IL34: variants seen among roughly 807,000 people sequenced by gnomAD.
IL34 encodes the protein interleukin 34.
In IL34, 17 loss-of-function variants were observed where a neutral mutation model predicts 25.3. That is an observed-to-expected ratio of 0.67 (90% CI 0.46 to 1.01). IL34 has a LOEUF of 1.01. Ranked by LOEUF, IL34 falls within the 50% of genes least tolerant of loss-of-function variation. The pLI is 0.00. For missense variants in IL34, 368 were observed against 312.9 expected (o/e 1.18, Z -1.33); for synonymous variants, 174 against 140.9 (o/e 1.23, Z -1.66).
chr16:70,626,376 A>G (rs2051393608), intron 1 of IL34, among the ~76,000 whole-genome samples: 1 of 152,008 alleles, frequency 6.6e-6, no homozygotes, highest in Non-Finnish European at 1.5e-5. Context: ...AGAAAACACG[A>G]TGTGTGTGGG....
chr16:70,619,712 G>A (rs375142958), intron 1 of IL34, among the ~76,000 whole-genome samples: 8,852 of 109,316 alleles, frequency 0.081, 266 homozygotes, highest in African/African-American at 0.17. Context: ...CGAGGCGATC[G>A]GGCAGTGTCA....
Position 70,596,693 on chromosome 16 carries a change from G to A in IL34, c.-401+16644G>A, listed in dbSNP as rs138378384. Among the ~76,000 whole-genome samples the A allele has an allele frequency of 1.4e-3, 212 of 152,318 alleles. 2 individuals carry two copies. Among genetic ancestry groups the A allele is most frequent in the African/African-American group, 4.9e-3 (202 of 41,570 alleles). On this transcript the variant is annotated intron_variant, in intron 1 of 6. Transcript: ENST00000429149. ...TGGGGGTAGAGCGACTATTGCCTGTGTGTGTCATGCTTATAGTAATGGTAG... is the reference window on the plus strand; with the variant it reads ...TGGGGGTAGAGCGACTATTGCCTGTATGTGTCATGCTTATAGTAATGGTAG...
chr16:70,633,171 C>T (rs944533250), intron 1 of IL34, among the ~76,000 whole-genome samples: 1 of 150,896 alleles, frequency 6.6e-6, no homozygotes, highest in African/African-American at 2.4e-5. Flanking sequence ...CGCCATGTTG[C>T]CCAGGCATGT....
intron 4 of IL34, among the ~76,000 whole-genome samples, chr16:70,659,383 T>C (rs1022375535): frequency 6.6e-6 from 1 of 152,220 alleles, no homozygotes; most frequent in Non-Finnish European, 1.5e-5. Flanking sequence ...TACTCATTTT[T>C]CAAGGATGGA....
At chr16:70,618,419 T>C (rs140077915) in intron 1 of IL34, among the ~76,000 whole-genome samples, 5,455 of 152,064 alleles carry the variant, frequency 0.036, 259 homozygotes, top group African/African-American at 0.1. Context: ...AGAGTGAGTA[T>C]AGCTGAAGGA....
chr16:70,587,167 A>G (rs1382233783), intron 1 of IL34, among the ~76,000 whole-genome samples: 4 of 152,082 alleles, frequency 2.6e-5, no homozygotes, highest in Non-Finnish European at 5.9e-5. Flanking sequence ...GTGGAGATCA[A>G]TGCTGGAGGC....
chr16:70,659,134 CTGT>C (rs2052311626), intron 4 of IL34, among the ~76,000 whole-genome samples: 1 of 152,170 alleles, frequency 6.6e-6, no homozygotes, highest in Non-Finnish European at 1.5e-5. Flanking sequence ...CCACATGACC[CTGT>C]TGTTGCATAT....
intron 1 of IL34, among the ~76,000 whole-genome samples, chr16:70,627,978 G>C (rs189865504): frequency 5.1e-4 from 78 of 152,270 alleles, no homozygotes; most frequent in Non-Finnish European, 1.1e-3. Flanking sequence ...CTAAGCTGTG[G>C]GATATGCACA....
rs560350594 is a variant in IL34, at chr16:70,656,750, G to A, written c.240+71G>A. ...TCCGGTGGGCCCCAGCCTCAGAGGC[G>A]CGCTGGGACTGGCAGGTGGTGCTGC... On this transcript the variant is annotated intron_variant, in intron 3 of 5. Transcript: ENST00000288098. 110 of 964,210 alleles carry A rather than the reference G, an allele frequency of 1.1e-4. No individual in the cohort carries two copies. The South Asian group carries it at 1.2e-3, about 11-fold the overall frequency. 59.7% of individuals were successfully genotyped at this position (964,210 alleles called of 1,614,324 possible). A position where few individuals can be genotyped will look rare whatever the true frequency, so the allele number is the denominator to read the frequency against.
chr16:70,634,802 C>T (rs1411941982), intron 1 of IL34, among the ~76,000 whole-genome samples: 1 of 152,092 alleles, frequency 6.6e-6, no homozygotes, highest in East Asian at 1.9e-4. Context: ...GTTTATTGGC[C>T]TGTTCTTGCA....
chr16:70,594,559 G>T (rs1247908946), intron 1 of IL34, among the ~76,000 whole-genome samples: 1 of 152,156 alleles, frequency 6.6e-6, no homozygotes, highest in Non-Finnish European at 1.5e-5. Context: ...TCCAAAGATT[G>T]TATGTGTATA....
intron 1 of IL34, among the ~76,000 whole-genome samples, chr16:70,591,112 G>T (rs1353258316): frequency 6.6e-6 from 1 of 152,232 alleles, no homozygotes; most frequent in African/African-American, 2.4e-5. Flanking sequence ...TCCTTCTCCT[G>T]CCATTCAACG....
chr16:70,645,162 A>G (rs561361010), upstream of IL34, among the ~76,000 whole-genome samples: 101 of 148,752 alleles, frequency 6.8e-4, no homozygotes, highest in African/African-American at 2.4e-3. Flanking sequence ...GAGGAAGAGA[A>G]GGAGGAAGAG....
At chr16:70,632,636 G>A (rs1597760819) in intron 1 of IL34, among the ~76,000 whole-genome samples, 1 of 152,254 alleles carries the variant, frequency 6.6e-6, no homozygotes, top group South Asian at 2.1e-4. Flanking sequence ...CTCTGGGGTG[G>A]TGCTGCACAG....
intron 1 of IL34, among the ~76,000 whole-genome samples, chr16:70,630,087 C>A (rs1283154755): frequency 1.3e-5 from 2 of 152,162 alleles, no homozygotes; most frequent in South Asian, 2.1e-4. Context: ...CACCCACATA[C>A]AAGTGAAAAT....
At chr16:70,593,388 A>G (rs927470643) in intron 1 of IL34, among the ~76,000 whole-genome samples, 3 of 152,164 alleles carry the variant, frequency 2.0e-5, no homozygotes, top group Admixed American at 2.0e-4. Flanking sequence ...TTCCTATGTT[A>G]TCTTCTAGAA....
Position 70,656,948 on chromosome 16 carries a change from C to T in IL34, c.241-12C>T. 1 of 1,599,346 alleles carries T rather than the reference C, an allele frequency of 6.3e-7. No individual in the cohort carries two copies. Among genetic ancestry groups the T allele is most frequent in the African/African-American group, 1.3e-5 (1 of 74,760 alleles). On this transcript the variant is annotated splice_polypyrimidine_tract_variant and intron_variant, in intron 3 of 5. Transcript: ENST00000288098. ...TGTCTCCCGAGTTGCAGTGACTTCC[C>T]TGTTTCCGCAGCAGAGGGCCCAGGT...
chr16:70,625,192 C>G (rs182463600), intron 1 of IL34, among the ~76,000 whole-genome samples: 19 of 151,746 alleles, frequency 1.3e-4, no homozygotes, highest in Admixed American at 3.3e-4. Context: ...GTTTTAAGTT[C>G]GTGAGAAGTC....
chr16:70,653,346 C>CAAAAAAAAAAA (rs200626111), intron 1 of IL34, among the ~76,000 whole-genome samples: 23 of 86,862 alleles, frequency 2.6e-4, no homozygotes, highest in African/African-American at 4.8e-4. Flanking sequence ...AACCCTGTCT[C>CAAAAAAAAAAA]AAAAAAAAAA....
Sources: gnomAD v4.1 joint callset for allele counts (sites outside exome capture counted in the v4.1 genomes callset) on GRCh38, gnomAD v4.1.1 for gene constraint, MANE v1.5 for transcripts, NCBI Gene and HGNC (gene_info 2026-07-23, HGNC 2026-07-21) for gene names.